The following WWOX variants were observed in gnomAD, a reference collection of about 807,000 sequenced individuals.
WWOX encodes WW domain containing oxidoreductase, also known as WW domain-containing oxidoreductase.
Under a neutral mutation model 46.2 loss-of-function variants are expected in WWOX, and 69 were observed. The observed-to-expected ratio is 1.49, with a 90% CI of 1.23 to 1.82. The LOEUF (loss-of-function observed/expected upper bound fraction) is 1.82, where lower values mean the gene tolerates loss of function less well. WWOX is among the 40% of genes most tolerant of loss of function. The probability of loss-of-function intolerance (pLI) is 0.00; values close to 1 mark genes in which losing one functional copy is unlikely to be tolerated. For synonymous variants in WWOX, 359 were observed against 202.6 expected (o/e 1.77, Z -6.56); for missense variants, 919 against 542.6 (o/e 1.69, Z -6.89).
rs567105416 is a variant in WWOX, at chr16:78,627,548, T to C, written c.1056+194796T>C. ...GTCACCAATGAGAGTTCAGGTGTTCTGTTGGAAATCTTTGTAAAATCACAG... is the reference window on the plus strand; with the variant it reads ...GTCACCAATGAGAGTTCAGGTGTTCCGTTGGAAATCTTTGTAAAATCACAG... On this transcript the variant is annotated intron_variant, in intron 8 of 8. Coordinates refer to ENST00000566780, the MANE Select transcript of WWOX (RefSeq NM_016373.4). Among the ~76,000 whole-genome samples the C allele has an allele frequency of 3.9e-5, 6 of 152,306 alleles. No homozygotes were observed. The South Asian group carries it at 1.2e-3, about 32-fold the overall frequency.
chr16:79,048,412 G>A (rs1418799585), intron 8 of WWOX, among the ~76,000 whole-genome samples: 3 of 152,000 alleles, frequency 2.0e-5, no homozygotes, highest in Non-Finnish European at 4.4e-5. Context: ...AGCAGCAACT[G>A]ATTACCGTCC....
intron 5 of WWOX, among the ~76,000 whole-genome samples, chr16:78,368,456 A>T (rs2081591093): frequency 6.6e-6 from 1 of 152,176 alleles, no homozygotes; most frequent in Admixed American, 6.5e-5. Context: ...TACCAAATGT[A>T]GTAAGGCCTC....
At chr16:78,534,766 G>A (rs956344323) in intron 8 of WWOX, among the ~76,000 whole-genome samples, 16 of 151,998 alleles carry the variant, frequency 1.1e-4, no homozygotes, top group African/African-American at 3.6e-4. Flanking sequence ...CTGGAGTGCA[G>A]TGGCACAATC....
At chr16:78,657,663 G>T (rs925200845) in intron 8 of WWOX, among the ~76,000 whole-genome samples, 1 of 152,068 alleles carries the variant, frequency 6.6e-6, no homozygotes, top group African/African-American at 2.4e-5. Context: ...AATTTCCTTG[G>T]ATGTGATGGA....
intron 8 of WWOX, among the ~76,000 whole-genome samples, chr16:78,983,033 A>T (rs1482825951): frequency 6.6e-6 from 1 of 152,088 alleles, no homozygotes; most frequent in African/African-American, 2.4e-5. Context: ...TTCTTTTGTG[A>T]AGTATTTATT....
chr16:78,629,759 C>G (rs1311274793), intron 8 of WWOX, among the ~76,000 whole-genome samples: 1 of 152,180 alleles, frequency 6.6e-6, no homozygotes, highest in Non-Finnish European at 1.5e-5. Context: ...ATCACTTTCT[C>G]TGGGGTGCAG....
chr16:78,634,862 G>GCA (rs2046529908), intron 8 of WWOX, among the ~76,000 whole-genome samples: 1 of 151,890 alleles, frequency 6.6e-6, no homozygotes, highest in Non-Finnish European at 1.5e-5. Context: ...GTGTGTGTGT[G>GCA]TGTGTGTGTG....
At chr16:78,865,335 A>C (rs766734970) in intron 8 of WWOX, among the ~76,000 whole-genome samples, 1 of 152,116 alleles carries the variant, frequency 6.6e-6, no homozygotes, top group Non-Finnish European at 1.5e-5. Context: ...AGACTTATTA[A>C]ATGACTGATT....
At chr16:78,882,013 C>T (rs1041143811) in intron 8 of WWOX, among the ~76,000 whole-genome samples, 1 of 152,084 alleles carries the variant, frequency 6.6e-6, no homozygotes, top group African/African-American at 2.4e-5. Context: ...GTAATCCCAG[C>T]TACTCTGAAG....
intron 8 of WWOX, chr16:78,994,296 A>G (rs1436494543): frequency 1.3e-5 from 2 of 152,194 alleles, no homozygotes; most frequent in Non-Finnish European, 2.9e-5. Context: ...AGAAATGAAC[A>G]TCAGGACATA....
intron 8 of WWOX, among the ~76,000 whole-genome samples, chr16:78,908,404 G>T (rs930944543): frequency 1.3e-5 from 2 of 152,070 alleles, no homozygotes; most frequent in Non-Finnish European, 2.9e-5. Context: ...GCCAGGCGTA[G>T]TGGTAGGCGC....
At chr16:78,198,505 A>G (rs948850004) in intron 5 of WWOX, among the ~76,000 whole-genome samples, 3 of 152,154 alleles carry the variant, frequency 2.0e-5, no homozygotes. Flanking sequence ...AATGGGCTCT[A>G]TGCCAGTGTT....
intron 8 of WWOX, among the ~76,000 whole-genome samples, chr16:78,849,068 C>G (rs1200817639): frequency 6.6e-6 from 1 of 152,184 alleles, no homozygotes; most frequent in Admixed American, 6.5e-5. Context: ...TGTTGACAAT[C>G]TTGCCACAGC....
chr16:78,872,779 C>T (rs2044155143), intron 8 of WWOX: 6 of 152,196 alleles, frequency 3.9e-5, no homozygotes, highest in Admixed American at 2.0e-4. Flanking sequence ...ACTTCACATG[C>T]AGAGGCCCCT....
chr16:79,093,524 C>T (rs2049006754), intron 8 of WWOX, among the ~76,000 whole-genome samples: 1 of 151,896 alleles, frequency 6.6e-6, no homozygotes, highest in South Asian at 2.1e-4. Flanking sequence ...GAAAAAGAGT[C>T]ATTTAACAGT....
chr16:78,909,084 T>C (rs1336844087), intron 8 of WWOX, among the ~76,000 whole-genome samples: 3 of 152,228 alleles, frequency 2.0e-5, no homozygotes, highest in Non-Finnish European at 4.4e-5. Flanking sequence ...CAAAGTTAGT[T>C]AGTCCTACAA....
chr16:78,152,286 C>T lies in WWOX; in HGVS notation c.410-11897C>T, dbSNP rs143545756. 6.1e-3 allele frequency among the ~76,000 whole-genome samples: 924 copies of T among 152,138 alleles called. 33 individuals are homozygous for T. The highest frequency in any genetic ancestry group is 0.055 in the Admixed American group (849 of 15,300). On this transcript the variant is annotated intron_variant, in intron 4 of 8. Coordinates refer to ENST00000566780, the MANE Select transcript of WWOX (RefSeq NM_016373.4). ...TTTAGGTGTAACACAGTATTTTGTC[C>T]TATTCATGCAATATAATTTATATAA...
intron 8 of WWOX, among the ~76,000 whole-genome samples, chr16:78,738,513 A>G (rs1272732489): frequency 6.6e-6 from 1 of 152,122 alleles, no homozygotes; most frequent in Non-Finnish European, 1.5e-5. Context: ...GAGTATTGGC[A>G]TATGTTAAAA....
intron 5 of WWOX, among the ~76,000 whole-genome samples, chr16:78,164,685 T>G (rs967890379): frequency 7.9e-5 from 12 of 152,310 alleles, no homozygotes; most frequent in African/African-American, 2.6e-4. Flanking sequence ...TATGTAGAAG[T>G]TGATGTTGAT....
Sources: allele counts gnomAD v4.1 joint callset (sites outside exome capture counted in the v4.1 genomes callset), GRCh38; gene constraint gnomAD v4.1.1; transcripts MANE v1.5; gene names NCBI Gene and HGNC (gene_info 2026-07-23, HGNC 2026-07-21).